DPY19L4: variants seen among roughly 807,000 people sequenced by gnomAD.
The protein encoded by DPY19L4 is probable C-mannosyltransferase DPY19L4.
A neutral mutation model predicts 102.8 loss-of-function variants in DPY19L4; 97 were observed. That is an observed-to-expected ratio of 0.94 (90% CI 0.80 to 1.12). The LOEUF (loss-of-function observed/expected upper bound fraction) is 1.12, where lower values mean the gene tolerates loss of function less well. Among genes scored for constraint, DPY19L4 ranks in the 50% most tolerant of loss-of-function variants. The pLI is 0.00. For synonymous variants in DPY19L4, 252 were observed against 283.1 expected (o/e 0.89, Z 1.10); for missense variants, 815 against 850.4 (o/e 0.96, Z 0.52).
intron 2 of DPY19L4, among the ~76,000 whole-genome samples, chr8:94,731,982 A>G (rs1458653570): frequency 6.6e-6 from 1 of 152,068 alleles, no homozygotes; most frequent in Non-Finnish European, 1.5e-5. Context: ...TGTGTTAGCC[A>G]GGATGGTCTC....
intron 3 of DPY19L4, among the ~76,000 whole-genome samples, chr8:94,737,044 A>G (rs1013458465): frequency 9.2e-5 from 14 of 152,198 alleles, no homozygotes; most frequent in Admixed American, 3.9e-4. Context: ...CCAGATTACT[A>G]AAAAGTTAAG....
intron 6 of DPY19L4, among the ~76,000 whole-genome samples, chr8:94,747,906 C>T (rs7819345): frequency 0.038 from 5,408 of 142,010 alleles, 250 homozygotes; most frequent in African/African-American, 0.11. Flanking sequence ...CGAAATTAAA[C>T]TCAAAGAGAA....
At chr8:94,782,175 G>A (rs1344771936) in intron 16 of DPY19L4, among the ~76,000 whole-genome samples, 1 of 152,186 alleles carries the variant, frequency 6.6e-6, no homozygotes, top group East Asian at 1.9e-4. Context: ...TTGAGAATTA[G>A]CAGGGTTAGG....
chr8:94,773,111 G>A (rs1330890655), intron 13 of DPY19L4, among the ~76,000 whole-genome samples: 1 of 151,702 alleles, frequency 6.6e-6, no homozygotes, highest in African/African-American at 2.4e-5. Flanking sequence ...CTACTTGGGA[G>A]GCTAAGGCAG....
At chr8:94,772,986 C>T (rs550295120) in intron 13 of DPY19L4, among the ~76,000 whole-genome samples, 67 of 152,022 alleles carry the variant, frequency 4.4e-4, no homozygotes, top group Admixed American at 2.7e-3. Flanking sequence ...CTGAGGCGAG[C>T]GGATCACTTG....
chr8:94,740,482 T>C (rs1442649456), intron 6 of DPY19L4, among the ~76,000 whole-genome samples: 1 of 152,130 alleles, frequency 6.6e-6, no homozygotes, highest in Non-Finnish European at 1.5e-5. Context: ...TGAGACGGAG[T>C]CTTGCCCTGT....
chr8:94,723,876 A>G (rs970361109), intron 1 of DPY19L4, among the ~76,000 whole-genome samples: 8 of 152,222 alleles, frequency 5.3e-5, no homozygotes, highest in African/African-American at 1.9e-4. Flanking sequence ...ACATATTTGT[A>G]TGGTCCTTGA....
intron 2 of DPY19L4, 73 bp downstream of exon 2, chr8:94,726,514 A>T (rs527594523): frequency 2.5e-6 from 3 of 1,208,724 alleles, no homozygotes; most frequent in Admixed American, 2.6e-5. Context: ...TTATGTCAAT[A>T]TTTTAAATAT....
chr8:94,740,725 G>T (rs1425335027), intron 6 of DPY19L4, among the ~76,000 whole-genome samples: 3 of 152,148 alleles, frequency 2.0e-5, no homozygotes, highest in African/African-American at 7.2e-5. Flanking sequence ...AAAGTGTTGG[G>T]ATTACAGGTG....
At chr8:94,784,477 G>A (rs555537566) in intron 17 of DPY19L4, among the ~76,000 whole-genome samples, 1 of 152,220 alleles carries the variant, frequency 6.6e-6, no homozygotes, top group African/African-American at 2.4e-5. Context: ...CACCCAGGCT[G>A]GAGTGCAATG....
At chr8:94,723,572 C>CT (rs1011003124) in intron 1 of DPY19L4, among the ~76,000 whole-genome samples, 1 of 151,670 alleles carries the variant, frequency 6.6e-6, no homozygotes, top group Admixed American at 6.6e-5. Flanking sequence ...TTGGCCTTTG[C>CT]TTTTTTTCCA....
chr8:94,724,386 G>A (rs780115204), intron 1 of DPY19L4, among the ~76,000 whole-genome samples: 4 of 152,156 alleles, frequency 2.6e-5, no homozygotes, highest in African/African-American at 4.8e-5. Flanking sequence ...ATTTGCTTTT[G>A]AAGACTTATA....
chr8:94,756,075 A>G lies in DPY19L4; in HGVS notation c.651A>G (p.Arg217=). ...GAATTGAATACTCCATTCCTTTAAG[A>G]GAAAACTGGGCACTACCATATTTTG... ...TTRIEYSIPL[R]ENWALPYFAC... is the part of the protein sequence containing the mutation. Residue 217 remains arginine (R), a synonymous_variant, in exon 7 of 19, where the codon AGA becomes AGG. Transcript: ENST00000414645. 1.2e-6 allele frequency: 2 copies of G among 1,613,414 alleles called. No individual in the cohort carries two copies. Among genetic ancestry groups the G allele is most frequent in the South Asian group, 1.1e-5 (1 of 90,952 alleles).
At chr8:94,737,867 T>C (rs539863442) in intron 3 of DPY19L4, among the ~76,000 whole-genome samples, 2 of 151,414 alleles carry the variant, frequency 1.3e-5, no homozygotes, top group African/African-American at 2.4e-5. Flanking sequence ...TACAAAAAAA[T>C]AAAACAAAAC....
chr8:94,735,993 G>A (rs1811173709), intron 3 of DPY19L4, among the ~76,000 whole-genome samples: 1 of 152,150 alleles, frequency 6.6e-6, no homozygotes, highest in Non-Finnish European at 1.5e-5. Context: ...ATAAACAACA[G>A]AATGGCTTGT....
At chr8:94,742,624 T>C (rs1208988017) in intron 6 of DPY19L4, among the ~76,000 whole-genome samples, 2 of 150,970 alleles carry the variant, frequency 1.3e-5, no homozygotes, top group African/African-American at 4.9e-5. Context: ...AGTGGCGCGA[T>C]CTTGGCTCAC....
At chr8:94,729,435 T>A (rs1316538538) in intron 2 of DPY19L4, among the ~76,000 whole-genome samples, 9 of 119,824 alleles carry the variant, frequency 7.5e-5, no homozygotes, top group Admixed American at 1.7e-4. Context: ...CTACAAAAAA[T>A]CAGAAAAAAA....
At chr8:94,744,389 A>G (rs775851426) in intron 6 of DPY19L4, 8 of 456,624 alleles carry the variant, frequency 1.8e-5, no homozygotes, top group Non-Finnish European at 3.5e-5. Flanking sequence ...TGAATGATCC[A>G]AGAGAGTATG....
intron 1 of DPY19L4, among the ~76,000 whole-genome samples, chr8:94,722,544 A>G (rs1004621791): frequency 1.3e-5 from 2 of 152,234 alleles, no homozygotes; most frequent in African/African-American, 4.8e-5. Flanking sequence ...ACACATTTCT[A>G]ATTCCATAAA....
Sources: gnomAD v4.1 joint callset for allele counts (sites outside exome capture counted in the v4.1 genomes callset) on GRCh38, gnomAD v4.1.1 for gene constraint, MANE v1.5 for transcripts, NCBI Gene and HGNC (gene_info 2026-07-23, HGNC 2026-07-21) for gene names.